GABRA3: variants seen among roughly 807,000 people sequenced by gnomAD.
The protein encoded by GABRA3 is gamma-aminobutyric acid type A receptor subunit alpha3.
GABRA3 carries 10 observed loss-of-function variants against 30.1 expected under a neutral mutation model. The observed-to-expected ratio is 0.33, with a 90% CI of 0.20 to 0.56. The LOEUF is 0.56. Among genes scored for constraint, GABRA3 ranks in the 20% least tolerant of loss-of-function variants. GABRA3 has a pLI of 0.89. For synonymous variants in GABRA3, 151 were observed against 146.8 expected, an observed-to-expected ratio of 1.03 and a Z score of -0.21; for missense variants, 233 against 392.0, an observed-to-expected ratio of 0.59 and a Z score of 3.42.
chrX:152,331,486 G>A lies in GABRA3; in HGVS notation c.262+14095C>T, dbSNP rs180796512. ...ACTTCAACTGGAAGTGTTCTGCGAT[G>A]CAGAGTAATTCAGTAATGAGTTGAA... On this transcript the variant is annotated intron_variant, in intron 3 of 9. Coordinates refer to ENST00000370314, the MANE Select transcript of GABRA3 (RefSeq NM_000808.4). 3.6e-5 allele frequency among the ~76,000 whole-genome samples: 4 copies of A among 111,729 alleles called. No homozygotes were observed. In the East Asian group the frequency reaches 1.1e-3, roughly 32 times the overall value.
At chrX:152,192,545 T>C (rs998503044) in intron 8 of GABRA3, among the ~76,000 whole-genome samples, 4 of 111,421 alleles carry the variant, frequency 3.6e-5, no homozygotes. Flanking sequence ...TTATTATTAA[T>C]GTAGCTCTTA....
chrX:152,233,449 CTCA>C (rs990144463), intron 5 of GABRA3, among the ~76,000 whole-genome samples: 5 of 109,657 alleles, frequency 4.6e-5, no homozygotes, highest in African/African-American at 1.7e-4. Context: ...TGAAAAAATG[CTCA>C]TCATCACTGG....
intron 3 of GABRA3, among the ~76,000 whole-genome samples, chrX:152,295,095 A>G (rs1939502108): frequency 8.9e-6 from 1 of 111,863 alleles, no homozygotes; most frequent in African/African-American, 3.2e-5. Context: ...CCCGCCTGTA[A>G]TGAGGTGTCA....
At chrX:152,194,284 T>C (rs1222743597) in intron 8 of GABRA3, among the ~76,000 whole-genome samples, 1 of 112,245 alleles carries the variant, frequency 8.9e-6, no homozygotes, top group Non-Finnish European at 1.9e-5. Flanking sequence ...TCCTTTTACA[T>C]GATTATGGGC....
chrX:152,207,684 C>T (rs1018339684), intron 7 of GABRA3, among the ~76,000 whole-genome samples: 1 of 111,644 alleles, frequency 9.0e-6, no homozygotes, highest in Non-Finnish European at 1.9e-5. Context: ...CCACCATGGC[C>T]TTCATCTGCT....
chrX:152,335,846 A>T (rs1239676947), intron 3 of GABRA3, among the ~76,000 whole-genome samples: 1 of 110,461 alleles, frequency 9.1e-6, no homozygotes, highest in Non-Finnish European at 1.9e-5. Context: ...CAGCCTCTCG[A>T]GGAGCTGGGA....
At chrX:152,330,329 C>T (rs956180060) in intron 3 of GABRA3, among the ~76,000 whole-genome samples, 1 of 111,637 alleles carries the variant, frequency 9.0e-6, no homozygotes, top group African/African-American at 3.3e-5. Context: ...TACCATTTGA[C>T]CCAGCCATCC....
intron 3 of GABRA3, among the ~76,000 whole-genome samples, chrX:152,294,256 G>T (rs1939481642): frequency 9.0e-6 from 1 of 111,217 alleles, no homozygotes; most frequent in Non-Finnish European, 1.9e-5. Flanking sequence ...ATCACTTTCA[G>T]GTACACCAAT....
intron 3 of GABRA3, among the ~76,000 whole-genome samples, chrX:152,344,349 G>A (rs181304505): frequency 4.8e-4 from 54 of 111,496 alleles, no homozygotes; most frequent in Non-Finnish European, 7.9e-4. Flanking sequence ...GTAATCCACC[G>A]AATAAAGCAA....
chrX:152,358,791 A>G (rs1440409558), intron 2 of GABRA3, among the ~76,000 whole-genome samples: 1 of 111,629 alleles, frequency 9.0e-6, no homozygotes, highest in African/African-American at 3.3e-5. Flanking sequence ...TTTTTATCAA[A>G]AGGCTTTTAT....
intron 1 of GABRA3, among the ~76,000 whole-genome samples, chrX:152,426,342 A>G (rs1444283001): frequency 1.8e-5 from 2 of 111,910 alleles, no homozygotes; most frequent in Admixed American, 9.5e-5. Context: ...ATGTAAAGGA[A>G]GCTGCACAAG....
chrX:152,303,510 A>G (rs1464378356), intron 3 of GABRA3, among the ~76,000 whole-genome samples: 2 of 111,848 alleles, frequency 1.8e-5, no homozygotes, highest in Non-Finnish European at 3.8e-5. Flanking sequence ...AGACACATGC[A>G]CACAGATGTT....
intron 9 of GABRA3, among the ~76,000 whole-genome samples, chrX:152,174,853 T>A (rs1269262757): frequency 1.5e-4 from 17 of 112,215 alleles, no homozygotes; most frequent in Non-Finnish European, 3.0e-4. Context: ...GTTTTAGACA[T>A]GAAGTCCTTG....
rs1388975390 is a variant in GABRA3 at position 152,168,041 on chromosome X, G to A, written c.*187C>T. ...TGATGGGGTTATACTGGGCAATATT[G>A]GAGGGACAAGTAATTTTTCTGTAGT... On this transcript the variant is annotated 3_prime_UTR_variant, in exon 10 of 10. Transcript: ENST00000370314. 1.8e-5 allele frequency: 8 copies of A among 442,693 alleles called. No individual in the cohort carries two copies. The highest frequency in any genetic ancestry group is 3.1e-5 in the Non-Finnish European group (8 of 255,737). 36.5% of individuals were successfully genotyped at this position (442,693 alleles called of 1,213,427 possible).
chrX:152,336,383 T>C (rs990509528), intron 3 of GABRA3, among the ~76,000 whole-genome samples: 1 of 112,115 alleles, frequency 8.9e-6, no homozygotes, highest in African/African-American at 3.2e-5. Context: ...TTTAAACCTG[T>C]TTCTTGTTCT....
chrX:152,229,524 G>A (rs1938026807), intron 5 of GABRA3, among the ~76,000 whole-genome samples: 1 of 110,726 alleles, frequency 9.0e-6, no homozygotes, highest in African/African-American at 3.3e-5. Context: ...AAGCAGATGA[G>A]AGAATGAGCC....
At chrX:152,341,834 C>T (rs756016920) in intron 3 of GABRA3, among the ~76,000 whole-genome samples, 11 of 110,605 alleles carry the variant, frequency 9.9e-5, no homozygotes, top group Non-Finnish European at 1.9e-4. Flanking sequence ...GCCACCATGC[C>T]CAGCCTGACT....
chrX:152,383,388 C>CAAAAAAAAAAAAAAAA (rs34736587), intron 1 of GABRA3, among the ~76,000 whole-genome samples: 4 of 35,446 alleles, frequency 1.1e-4, no homozygotes, highest in Admixed American at 5.0e-4. Context: ...GACTCCATCT[C>CAAAAAAAAAAAAAAAA]AAAAAAAAAA....
At chrX:152,427,826 G>T (rs1003417706) in intron 1 of GABRA3, among the ~76,000 whole-genome samples, 3 of 111,284 alleles carry the variant, frequency 2.7e-5, no homozygotes, top group Non-Finnish European at 5.7e-5. Context: ...TCATGAAGTG[G>T]AATTTGAATT....
Sources: allele counts gnomAD v4.1 joint callset (sites outside exome capture counted in the v4.1 genomes callset), GRCh38; gene constraint gnomAD v4.1.1; transcripts MANE v1.5; gene names NCBI Gene and HGNC (gene_info 2026-07-23, HGNC 2026-07-21).